ANKRD44: variants seen among roughly 807,000 people sequenced by gnomAD.
ANKRD44 encodes ankyrin repeat domain 44, also known as serine/threonine-protein phosphatase 6 regulatory ankyrin repeat subunit B.
A neutral mutation model predicts 116.0 loss-of-function variants in ANKRD44; 35 were observed. The ratio of observed to expected loss-of-function variants is 0.30; its 90% confidence interval spans 0.23 to 0.40. The LOEUF is 0.40. Ranked by LOEUF, ANKRD44 falls within the 10% of genes least tolerant of loss-of-function variation. The pLI is 1.00. For missense variants in ANKRD44, 1,014 were observed against 1,242.6 expected (o/e 0.82, Z 2.77); for synonymous variants, 435 against 461.8 (o/e 0.94, Z 0.74).
intron 9 of ANKRD44, among the ~76,000 whole-genome samples, chr2:197,103,335 A>C (rs1460231996): frequency 6.6e-6 from 1 of 152,042 alleles, no homozygotes; most frequent in Non-Finnish European, 1.5e-5. Flanking sequence ...AGAAATTGAC[A>C]CATGTTTTCT....
chr2:197,090,570 G>A (rs1309034061), intron 10 of ANKRD44, among the ~76,000 whole-genome samples: 2 of 150,696 alleles, frequency 1.3e-5, no homozygotes, highest in Non-Finnish European at 2.9e-5. Context: ...CAATGATAGA[G>A]GCAGGGGGCA....
chr2:197,244,573 T>G (rs1178213561), intron 1 of ANKRD44, among the ~76,000 whole-genome samples: 2 of 152,256 alleles, frequency 1.3e-5, no homozygotes, highest in African/African-American at 4.8e-5. Context: ...GTGTTTCATG[T>G]GTCAGAACTC....
At chr2:197,068,419 T>C (rs113513929) in intron 16 of ANKRD44, among the ~76,000 whole-genome samples, 88 of 110,204 alleles carry the variant, frequency 8.0e-4, no homozygotes, top group Non-Finnish European at 1.5e-3. Context: ...TAAAAAAAAA[T>C]AAAACACCAA....
At chr2:197,210,211 G>A (rs1320712003) in intron 1 of ANKRD44, among the ~76,000 whole-genome samples, 1 of 152,214 alleles carries the variant, frequency 6.6e-6, no homozygotes, top group African/African-American at 2.4e-5. Context: ...AAACAAATGT[G>A]ATTTGAGGCC....
intron 1 of ANKRD44, among the ~76,000 whole-genome samples, chr2:197,220,651 AT>A (rs1237235638): frequency 1.3e-5 from 2 of 152,168 alleles, no homozygotes; most frequent in Non-Finnish European, 2.9e-5. Flanking sequence ...GGGAAAAAAA[AT>A]GGGTTATAAG....
rs1425238501 is a variant in ANKRD44 at position 196,987,760 on chromosome 2, T to C, written c.*1831A>G. ...AATAAGTAAGTGCAATGAAACATGA[T>C]CCTTGTAGTTGTGGTTAAAATACAG... On this transcript the variant is annotated 3_prime_UTR_variant, in exon 28 of 28. Coordinates refer to ENST00000282272, the MANE Select transcript of ANKRD44 (RefSeq NM_001195144.2). 4.1e-6 allele frequency: 4 copies of C among 985,284 alleles called. No homozygotes were observed. Among genetic ancestry groups the C allele is most frequent in the Admixed American group, 1.2e-4 (2 of 16,268 alleles). 61.0% of individuals were successfully genotyped at this position (985,284 alleles called of 1,614,324 possible).
rs2125205290 is a variant in ANKRD44 at position 197,095,971 on chromosome 2, AT to A, written c.1100+3844del. Among the ~76,000 whole-genome samples the A allele has an allele frequency of 1.3e-5, 2 of 152,342 alleles. 1 individual carries two copies. The highest frequency in any genetic ancestry group is 4.1e-4 in the South Asian group (2 of 4,828). On this transcript the variant is annotated intron_variant, in intron 10 of 27. Coordinates refer to ENST00000282272, the MANE Select transcript of ANKRD44 (RefSeq NM_001195144.2). ...GTTCATCTAGTTTATGTTTATACAT[AT>A]TCATGTATCATTATGATAAAAATAA...
In ANKRD44 at chr2:197,136,602, G is replaced by T. The variant is rs772162894; in HGVS notation, c.251C>A (p.Ser84Tyr). The change falls in exon 4 of 28, where the codon TCC becomes TAC. Residue 84 changes from serine to tyrosine, a missense_variant. Transcript: ENST00000282272. ...ATGGTAATCACTCACTTCACTTCTG[G>T]AAGCAACAGCCCGGTGCAGTGGAGT... ...WLTPLHRAVASRSEEAVQVLI... is the reference protein window; with the variant it reads ...WLTPLHRAVAYRSEEAVQVLI... The T allele has an allele frequency of 6.2e-7, 1 of 1,614,100 alleles. No homozygotes were observed. Among genetic ancestry groups the T allele is most frequent in the Admixed American group, 1.7e-5 (1 of 60,022 alleles).
chr2:197,025,054 AC>A, intron 17 of ANKRD44, 141 bp downstream of exon 17: 1 of 730,820 alleles, frequency 1.4e-6, no homozygotes, highest in South Asian at 2.1e-5. Flanking sequence ...GTCTGTCTCC[AC>A]AGCCTGTGCC....
intron 1 of ANKRD44, among the ~76,000 whole-genome samples, chr2:197,223,525 T>C (rs1364691190): frequency 6.6e-6 from 1 of 152,218 alleles, no homozygotes; most frequent in Non-Finnish European, 1.5e-5. Flanking sequence ...GCACGCAAAA[T>C]ACTACAAGTT....
At chr2:197,153,068 G>A (rs191747438) in intron 2 of ANKRD44, among the ~76,000 whole-genome samples, 114 of 151,718 alleles carry the variant, frequency 7.5e-4, no homozygotes, top group Middle Eastern at 3.4e-3. Flanking sequence ...TCAGCTGGGC[G>A]TGGTAGCATG....
At chr2:197,119,953 T>A (rs1335272596) in intron 8 of ANKRD44, among the ~76,000 whole-genome samples, 1 of 152,164 alleles carries the variant, frequency 6.6e-6, no homozygotes, top group Non-Finnish European at 1.5e-5. Flanking sequence ...TATCCAGAAT[T>A]CCCACCCCTC....
At chr2:197,047,420 A>G (rs2077022425) in intron 16 of ANKRD44, among the ~76,000 whole-genome samples, 1 of 152,204 alleles carries the variant, frequency 6.6e-6, no homozygotes, top group African/African-American at 2.4e-5. Flanking sequence ...AAATATACAC[A>G]TTGGGTTTAA....
intron 1 of ANKRD44, among the ~76,000 whole-genome samples, chr2:197,238,522 G>T (rs1318654115): frequency 6.6e-6 from 1 of 151,924 alleles, no homozygotes; most frequent in East Asian, 1.9e-4. Flanking sequence ...CTAACCTAAG[G>T]GTAGCATAAT....
intron 10 of ANKRD44, 81 bp downstream of exon 10, chr2:197,099,735 A>G: frequency 6.4e-7 from 1 of 1,562,702 alleles, no homozygotes; most frequent in Non-Finnish European, 8.7e-7. Context: ...ATAAATGGGA[A>G]CTATCTACTG....
chr2:197,116,238 T>C lies in ANKRD44; in HGVS notation c.906+5094A>G, dbSNP rs113892415. Reference sequence around the variant, plus strand: ...TCTGGTATGGGGCACACTGAGAGCATTGGTGGCATGTTTTACAGATAAAAT... The same window carrying C: ...TCTGGTATGGGGCACACTGAGAGCACTGGTGGCATGTTTTACAGATAAAAT... On this transcript the variant is annotated intron_variant, in intron 8 of 27. Coordinates refer to ENST00000282272, the MANE Select transcript of ANKRD44 (RefSeq NM_001195144.2). 4.5e-3 allele frequency among the ~76,000 whole-genome samples: 688 copies of C among 152,256 alleles called. 2 individuals are homozygous for C. The highest frequency in any genetic ancestry group is 7.6e-3 in the Non-Finnish European group (518 of 68,010).
At chr2:196,985,883 A>G (rs2075833156), downstream of ANKRD44, among the ~76,000 whole-genome samples, 1 of 152,202 alleles carries the variant, frequency 6.6e-6, no homozygotes. Flanking sequence ...AGGAAATTCT[A>G]TGGATACCTT....
chr2:197,000,328 A>T, intron 23 of ANKRD44, 91 bp downstream of exon 23: 1 of 968,186 alleles, frequency 1.0e-6, no homozygotes, highest in Admixed American at 2.1e-5. Context: ...TTATTCTTTC[A>T]ATTAAAAACA....
chr2:197,273,960 C>CAAA (rs1158937486), intron 1 of ANKRD44, among the ~76,000 whole-genome samples: 214 of 9,294 alleles, frequency 0.023, 33 homozygotes, highest in African/African-American at 0.056. Flanking sequence ...CAACCAACCA[C>CAAA]AAAAAAAAAA....
Sources: gnomAD v4.1 joint callset for allele counts (sites outside exome capture counted in the v4.1 genomes callset) on GRCh38, gnomAD v4.1.1 for gene constraint, MANE v1.5 for transcripts, NCBI Gene and HGNC (gene_info 2026-07-23, HGNC 2026-07-21) for gene names.